The following MYBPH variants were observed in gnomAD, a reference collection of about 807,000 sequenced individuals.
The protein encoded by MYBPH is myosin-binding protein H.
Under a neutral mutation model 53.6 loss-of-function variants are expected in MYBPH, and 49 were observed. The ratio of observed to expected loss-of-function variants is 0.91; its 90% CI spans 0.73 to 1.16. The LOEUF is 1.16. MYBPH is among the 50% of genes most tolerant of loss of function. The pLI is 0.00. For synonymous variants in MYBPH, 239 were observed against 249.6 expected, an observed-to-expected ratio of 0.96 and a Z score of 0.40; for missense variants, 558 against 624.1, an observed-to-expected ratio of 0.89 and a Z score of 1.13.
At position 203,171,396 on chromosome 1, in the gene MYBPH, G is replaced by A. The variant is rs756634796; in HGVS notation, c.780C>T (p.Asp260=). ...CTGGCTCCATACCAATCACCAGGATGTCAATGACTGCCTTGGCCTCCAGGT... is the reference window on the plus strand; with the variant it reads ...CTGGCTCCATACCAATCACCAGGATATCAATGACTGCCTTGGCCTCCAGGT... ...VEDLEAKAVI[D]ILVIEKPGPP... is the part of the protein sequence containing the mutation. The change falls in exon 5 of 11, where the codon GAC becomes GAT. Residue 260 remains aspartate (D), a synonymous_variant. Transcript: ENST00000255416. This position sits in a 1 kb window ranked among gnomAD's most constrained non-coding sequence, Gnocchi z 4.2. 2.5e-6 allele frequency: 4 copies of A among 1,613,024 alleles called. No individual in the cohort carries two copies. The highest frequency in any genetic ancestry group is 2.7e-5 in the African/African-American group (2 of 74,938).
At chr1:203,175,269 C>T in intron 2 of MYBPH, 58 bp downstream of exon 2, 1 of 1,504,802 alleles carries the variant, frequency 6.6e-7, no homozygotes, top group Non-Finnish European at 8.9e-7. Context: ...GCACTTGTCC[C>T]TGCAGCCCTC....
chr1:203,179,023 C>A (rs1209871356), upstream of MYBPH: 1 of 159,432 alleles, frequency 6.3e-6, no homozygotes, highest in Non-Finnish European at 1.4e-5. Flanking sequence ...GTGAAGGTTT[C>A]AAGCTGGGCT....
At chr1:203,175,266 T>G (rs1238029090) in intron 2 of MYBPH, 61 bp downstream of exon 2, 1 of 1,500,558 alleles carries the variant, frequency 6.7e-7, no homozygotes, top group Non-Finnish European at 8.9e-7. Context: ...TGTGCACTTG[T>G]CCCTGCAGCC....
chr1:203,168,567 C>G (rs1385368784), intron 10 of MYBPH, 60 bp downstream of exon 10: 1 of 1,508,646 alleles, frequency 6.6e-7, no homozygotes, highest in Admixed American at 2.0e-5. Flanking sequence ...TGCTCCTGGC[C>G]TCCTCTCTGC....
chr1:203,175,353 T>C lies in MYBPH; in HGVS notation c.314A>G (p.Tyr105Cys). Reference protein sequence around the residue: ...ERLGRLGLQGYVLELCREGAS... With the variant: ...ERLGRLGLQGCVLELCREGAS... Reference sequence around the variant, plus strand: ...TCCCTCTCTGCAGAGCTCCAGCACATAGCCCTGGAGGCCCAGCCTCCCCAG... The same window carrying C: ...TCCCTCTCTGCAGAGCTCCAGCACACAGCCCTGGAGGCCCAGCCTCCCCAG... The change falls in exon 2 of 11, where the codon TAT becomes TGT. Residue 105 changes from tyrosine (Y) to cysteine (C), a missense_variant. By Grantham distance (194) the Tyr-to-Cys change is radical (BLOSUM62 -2). Coordinates refer to ENST00000255416, the MANE Select transcript of MYBPH (RefSeq NM_004997.3). 6.6e-7 allele frequency: 1 copy of C among 1,525,140 alleles called. No individual in the cohort carries two copies. Among genetic ancestry groups the C allele is most frequent in the South Asian group, 1.3e-5 (1 of 75,668 alleles). 94.5% of individuals were successfully genotyped at this position (1,525,140 alleles called of 1,614,324 possible).
chr1:203,170,489 G>A (rs772396789), intron 6 of MYBPH, 39 bp from the exon 7 acceptor site: 1 of 1,602,194 alleles, frequency 6.2e-7, no homozygotes, highest in Admixed American at 1.7e-5. Flanking sequence ...TCTCACCCCT[G>A]TCCTCACCCT....
At position 203,175,551 on chromosome 1, in the gene MYBPH, C is replaced by A. The variant is rs748846700; in HGVS notation, c.205G>T (p.Asp69Tyr). 7 of 1,613,790 alleles carry A rather than the reference C, an allele frequency of 4.3e-6. No homozygotes were observed. The highest frequency in any genetic ancestry group is 5.1e-6 in the Non-Finnish European group (6 of 1,179,922). Residue 69 changes from aspartate to tyrosine, a missense_variant and splice_region_variant, in exon 1 of 11, where the codon GAT becomes TAT. Coordinates refer to ENST00000255416, the MANE Select transcript of MYBPH (RefSeq NM_004997.3). The stretch of plus-strand genomic sequence containing the variant: ...CTCCCCCTGCCCCACCTTCAGTCAC[C>A]TTCACTTGGGGGTGCAGGCTTAGTG... The part of the protein sequence containing the change: ...TATKPAPPSE[D>Y]VPSAPLLLTL...
upstream of MYBPH, among the ~76,000 whole-genome samples, chr1:203,178,105 T>A (rs1655849503): frequency 1.3e-5 from 2 of 152,076 alleles, no homozygotes; most frequent in Admixed American, 6.6e-5. Flanking sequence ...AGTTCTGGGG[T>A]GAGTATCTGG....
In MYBPH at chr1:203,171,940, G is replaced by A. The variant is rs1655707616; in HGVS notation, c.597+12C>T. ...CACCCAGGCTGTTACCCTTGGTGGG[G>A]GTAATACCCACCTGGAAGGGGATTT... On this transcript the variant is annotated intron_variant, in intron 4 of 10. Transcript: ENST00000255416. The surrounding 1 kb of genome is among the most constrained non-coding windows in gnomAD (Gnocchi z 4.2). 9.8e-6 allele frequency: 13 copies of A among 1,319,806 alleles called. No individual in the cohort carries two copies. The highest frequency in any genetic ancestry group is 1.5e-5 in the African/African-American group (1 of 66,648). The allele number at this position is 1,319,806 out of a possible 1,614,324, so 81.8% of individuals were successfully genotyped here.
intron 6 of MYBPH, 47 bp from the exon 7 acceptor site, chr1:203,170,497 C>A: frequency 6.3e-7 from 1 of 1,594,772 alleles, no homozygotes; most frequent in Non-Finnish European, 8.6e-7. Flanking sequence ...CTGTCCTCAC[C>A]CTCCCTGCTT....
intron 3 of MYBPH, among the ~76,000 whole-genome samples, chr1:203,172,897 C>T (rs762861542): frequency 2.7e-4 from 41 of 152,158 alleles, no homozygotes; most frequent in Non-Finnish European, 4.7e-4. Flanking sequence ...AGAAGGAACA[C>T]GGTGTCTCTG....
Position 203,171,183 on chromosome 1 carries a change from T to C in MYBPH, c.811A>G (p.Ser271Gly), listed in dbSNP as rs2642532. Residue 271 changes from serine to glycine, a missense_variant, in exon 6 of 11, where the codon AGC becomes GGC. Ser to Gly is a moderately conservative substitution (Grantham distance 56). Coordinates refer to ENST00000255416, the MANE Select transcript of MYBPH (RefSeq NM_004997.3). The surrounding 1 kb of genome is among the most constrained non-coding windows in gnomAD (Gnocchi z 4.2). ...ILVIEKPGPP[S>G]SIRLLDVWGC... ...CAGACGTCCAGGAGCCTGATGCTGC[T>C]GGGGGGTCCAGGTTTCTCTGTAGGC... 2 of 1,603,890 alleles carry C rather than the reference T, an allele frequency of 1.2e-6. No homozygotes were observed. The highest frequency in any genetic ancestry group is 1.7e-6 in the Non-Finnish European group (2 of 1,175,502).
upstream of MYBPH, among the ~76,000 whole-genome samples, chr1:203,176,173 T>C (rs762625): frequency 0.74 from 112,630 of 152,120 alleles, 42,466 homozygotes; most frequent in Non-Finnish European, 0.81. Flanking sequence ...CTGGCGTCTA[T>C]GGGGCCACTT....
rs759565348 is a variant in MYBPH, at chr1:203,171,444, G to T, written c.732C>A (p.Tyr244Ter). Reference protein sequence around the residue: ...RSAQRSDSGRYELTVRVEDLE... With the variant: ...RSAQRSDSGR ...GGTCTTCCACGCGCACAGTGAGCTCGTAGCGGCCAGAGTCGGAGCGCTGGG... is the reference window on the plus strand; with the variant it reads ...GGTCTTCCACGCGCACAGTGAGCTCTTAGCGGCCAGAGTCGGAGCGCTGGG... The change falls in exon 5 of 11, where the codon TAC becomes TAA. Residue 244 changes from tyrosine (Y) to a stop codon, truncating the protein, a stop_gained. Coordinates refer to ENST00000255416, the MANE Select transcript of MYBPH (RefSeq NM_004997.3). LOFTEE classifies it high-confidence loss of function. The surrounding 1 kb of genome is among the most constrained non-coding windows in gnomAD (Gnocchi z 4.2). The T allele has an allele frequency of 1.2e-6, 2 of 1,613,900 alleles. No individual in the cohort carries two copies. The highest frequency in any genetic ancestry group is 8.5e-7 in the Non-Finnish European group (1 of 1,180,040).
At chr1:203,170,194 C>T (rs950602524) in intron 7 of MYBPH, 97 bp downstream of exon 7, 30 of 1,457,024 alleles carry the variant, frequency 2.1e-5, no homozygotes, top group East Asian at 1.6e-4. Context: ...CAGGGGCAGA[C>T]GCCCAGGAGA....
upstream of MYBPH, among the ~76,000 whole-genome samples, chr1:203,178,009 G>A (rs149066079): frequency 3.3e-3 from 497 of 152,320 alleles, 2 homozygotes; most frequent in African/African-American, 0.011. Context: ...ACTTCAAACC[G>A]GCGTCACAAA....
In MYBPH at chr1:203,171,717, G is replaced by T; in HGVS notation, c.598-139C>A. The T allele has an allele frequency of 2.1e-6, 2 of 974,256 alleles. No homozygotes were observed. Among genetic ancestry groups the T allele is most frequent in the Non-Finnish European group, 2.9e-6 (2 of 680,138 alleles). The allele number at this position is 974,256 out of a possible 1,614,324, so 60.4% of individuals were successfully genotyped here. On this transcript the variant is annotated intron_variant, in intron 4 of 10. Coordinates refer to ENST00000255416, the MANE Select transcript of MYBPH (RefSeq NM_004997.3). This position sits in a 1 kb window ranked among gnomAD's most constrained non-coding sequence, Gnocchi z 4.2. ...CTCAGGAGGGGCAGCAGAGGCTGGA[G>T]CCACAGGTGCTGCCCACAGCCACAT...
At chr1:203,175,837 C>A, upstream of MYBPH, 2 of 1,420,152 alleles carry the variant, frequency 1.4e-6, no homozygotes, top group Non-Finnish European at 9.8e-7. Flanking sequence ...GCCTGGGACA[C>A]CTAGGTCCAG....
chr1:203,171,137 T>C lies in MYBPH; in HGVS notation c.857A>G (p.Gln286Arg). ...GCCTGTGTCCTGGGGTGGCGTCCAC[T>C]GAAGAGCAGCATTGCAGCCCCAGAC... is the stretch of plus-strand genomic sequence containing the variant. ...LDVWGCNAAL[Q>R]WTPPQDTGNT... Residue 286 changes from glutamine (Q) to arginine (R), a missense_variant, in exon 6 of 11, where the codon CAG becomes CGG. Gln to Arg is a conservative substitution (Grantham distance 43). Coordinates refer to ENST00000255416, the MANE Select transcript of MYBPH (RefSeq NM_004997.3). This position sits in a 1 kb window ranked among gnomAD's most constrained non-coding sequence, Gnocchi z 4.2. 6.2e-7 allele frequency: 1 copy of C among 1,613,508 alleles called. No individual in the cohort carries two copies. The highest frequency in any genetic ancestry group is 1.7e-5 in the Admixed American group (1 of 59,882).
Sources: gnomAD v4.1 joint callset for allele counts (sites outside exome capture counted in the v4.1 genomes callset) on GRCh38, gnomAD v4.1.1 for gene constraint, Gnocchi (gnomAD v3.1) non-coding constraint, MANE v1.5 for transcripts, NCBI Gene and HGNC (gene_info 2026-07-23, HGNC 2026-07-21) for gene names.